ADAMTS19: variants seen among roughly 807,000 people sequenced by gnomAD.
The protein encoded by ADAMTS19 is ADAM metallopeptidase with thrombospondin type 1 motif 19.
Under a neutral mutation model 153.3 loss-of-function variants are expected in ADAMTS19, and 93 were observed. The ratio of observed to expected loss-of-function variants is 0.61; its 90% confidence interval spans 0.51 to 0.72. The LOEUF (loss-of-function observed/expected upper bound fraction) is 0.72, where lower values mean the gene tolerates loss of function less well. Ranked by LOEUF, ADAMTS19 falls within the 30% of genes least tolerant of loss-of-function variation. The pLI, the probability that ADAMTS19 is intolerant of heterozygous loss-of-function variation, is 0.00. For synonymous variants in ADAMTS19, 600 were observed against 556.6 expected (o/e 1.08, Z -1.10); for missense variants, 1,482 against 1,552.1 (o/e 0.95, Z 0.76).
intron 6 of ADAMTS19, among the ~76,000 whole-genome samples, chr5:129,544,589 T>G (rs1242120477): frequency 1.3e-5 from 2 of 152,166 alleles, no homozygotes; most frequent in Non-Finnish European, 2.9e-5. Context: ...AAGCGCACTT[T>G]CACTTGCACA....
At chr5:129,700,148 G>C (rs1000126440) in intron 19 of ADAMTS19, among the ~76,000 whole-genome samples, 1 of 152,164 alleles carries the variant, frequency 6.6e-6, no homozygotes, top group African/African-American at 2.4e-5. Flanking sequence ...TTCTGTCATA[G>C]GTTTTAGTTC....
At chr5:129,702,712 T>C (rs889345996) in intron 20 of ADAMTS19, among the ~76,000 whole-genome samples, 1 of 151,820 alleles carries the variant, frequency 6.6e-6, no homozygotes. Flanking sequence ...AAGAATCACA[T>C]GAGCATCAGA....
At chr5:129,696,865 G>A (rs1755581673) in intron 19 of ADAMTS19, among the ~76,000 whole-genome samples, 1 of 152,136 alleles carries the variant, frequency 6.6e-6, no homozygotes, top group African/African-American at 2.4e-5. Flanking sequence ...TTCATATTAT[G>A]TAGATGAAGT....
intron 7 of ADAMTS19, among the ~76,000 whole-genome samples, chr5:129,567,306 C>G (rs552214559): frequency 2.6e-5 from 4 of 152,026 alleles, no homozygotes; most frequent in African/African-American, 7.2e-5. Context: ...GTCTAGAACA[C>G]AATTCAAAAT....
At chr5:129,535,860 T>A (rs1184045739) in intron 6 of ADAMTS19, among the ~76,000 whole-genome samples, 1 of 152,296 alleles carries the variant, frequency 6.6e-6, no homozygotes, top group Non-Finnish European at 1.5e-5. Flanking sequence ...GCTAGCCATA[T>A]GTAGAAAGCT....
In ADAMTS19 at chr5:129,622,403, T is replaced by C. The variant is rs1242798983; in HGVS notation, c.1770+55T>C. 5.7e-6 allele frequency: 9 copies of C among 1,590,606 alleles called. No homozygotes were observed. In the East Asian group the frequency reaches 1.1e-4, roughly 20 times the overall value. On this transcript the variant is annotated intron_variant, in intron 10 of 22. Transcript: ENST00000274487. ...TCATTCATTGTTTAGAAGTATTGAT[T>C]GGTAGGAGAAGGTAACATTATTTTA...
chr5:129,592,799 C>T (rs1247489120), intron 7 of ADAMTS19, among the ~76,000 whole-genome samples: 1 of 152,194 alleles, frequency 6.6e-6, no homozygotes, highest in East Asian at 1.9e-4. Flanking sequence ...ATTTCATAGA[C>T]ATGATTATCA....
At chr5:129,550,970 C>T (rs567179768) in intron 6 of ADAMTS19, among the ~76,000 whole-genome samples, 6 of 151,626 alleles carry the variant, frequency 4.0e-5, no homozygotes, top group South Asian at 2.1e-4. Flanking sequence ...TTGTGTGTGG[C>T]GCTGTTTTCA....
intron 7 of ADAMTS19, among the ~76,000 whole-genome samples, chr5:129,566,138 T>C (rs943029118): frequency 2.0e-5 from 3 of 152,150 alleles, no homozygotes; most frequent in Non-Finnish European, 2.9e-5. Context: ...GACTTTAATA[T>C]GTAAATAATC....
chr5:129,590,833 C>T (rs1260815533), intron 7 of ADAMTS19, among the ~76,000 whole-genome samples: 3 of 151,984 alleles, frequency 2.0e-5, no homozygotes, highest in Non-Finnish European at 4.4e-5. Context: ...ATTTTTTTCT[C>T]ATTAGTAGAT....
intron 3 of ADAMTS19, among the ~76,000 whole-genome samples, chr5:129,511,052 A>G (rs1380292332): frequency 1.3e-5 from 2 of 151,782 alleles, no homozygotes; most frequent in Non-Finnish European, 2.9e-5. Flanking sequence ...GTGAAATAAA[A>G]TATTTATTTA....
rs575331162 is a variant in ADAMTS19, at chr5:129,544,731, TG to T, written c.1329-7129del. Among the ~76,000 whole-genome samples, 27 of 152,274 alleles carry T rather than the reference TG, an allele frequency of 1.8e-4. No homozygotes were observed. In the South Asian group the frequency reaches 4.1e-3, roughly 23 times the overall value. On this transcript the variant is annotated intron_variant, in intron 6 of 22. Transcript: ENST00000274487. ...TATGTTTTAATGAGTCTGTGCAAAGTGGGGAAGTGGAACTGAAATGATTACA... is the reference window on the plus strand; with the variant it reads ...TATGTTTTAATGAGTCTGTGCAAAGTGGGAAGTGGAACTGAAATGATTACA...
At chr5:129,551,948 C>T (rs1313742910) in intron 7 of ADAMTS19, 41 bp downstream of exon 7, 1 of 1,342,044 alleles carries the variant, frequency 7.5e-7, no homozygotes, top group Non-Finnish European at 1.0e-6. Flanking sequence ...TTCTGGAGAA[C>T]TTGAACATAT....
chr5:129,608,090 A>G (rs2015322), intron 8 of ADAMTS19, among the ~76,000 whole-genome samples: 65,441 of 103,504 alleles, frequency 0.63, 22,062 homozygotes, highest in Non-Finnish European at 0.73. Context: ...TTTTATATAT[A>G]TGTGTGTGTG....
At chr5:129,608,321 G>T (rs1268995102) in intron 8 of ADAMTS19, among the ~76,000 whole-genome samples, 1 of 151,552 alleles carries the variant, frequency 6.6e-6, no homozygotes, top group Non-Finnish European at 1.5e-5. Context: ...CAGAAGAATG[G>T]TGGTTACCAG....
chr5:129,655,538 A>G (rs1328644612), intron 14 of ADAMTS19, among the ~76,000 whole-genome samples: 1 of 152,216 alleles, frequency 6.6e-6, no homozygotes. Flanking sequence ...AATCTGTAAA[A>G]CAAAGTTGGT....
intron 3 of ADAMTS19, among the ~76,000 whole-genome samples, chr5:129,519,731 A>C (rs1024651009): frequency 2.7e-4 from 41 of 151,968 alleles, no homozygotes; most frequent in African/African-American, 9.9e-4. Context: ...GCCATTTTGC[A>C]TACCAGGAGA....
chr5:129,553,575 A>C (rs1043756800), intron 7 of ADAMTS19, among the ~76,000 whole-genome samples: 3 of 152,098 alleles, frequency 2.0e-5, no homozygotes, highest in African/African-American at 7.2e-5. Context: ...ATTACAGCAT[A>C]GGGTGTGAAA....
At chr5:129,611,850 C>T (rs1458898409) in intron 8 of ADAMTS19, among the ~76,000 whole-genome samples, 6 of 152,036 alleles carry the variant, frequency 3.9e-5, no homozygotes, top group African/African-American at 9.7e-5. Flanking sequence ...AGAGAAAGGT[C>T]GGGTTACCCA....
Sources: allele counts gnomAD v4.1 joint callset (sites outside exome capture counted in the v4.1 genomes callset), GRCh38; gene constraint gnomAD v4.1.1; transcripts MANE v1.5; gene names NCBI Gene and HGNC (gene_info 2026-07-23, HGNC 2026-07-21).